Variants in RIT2 observed in about 807,000 individuals in gnomAD.
RIT2 encodes the protein GTP-binding protein Rit2.
RIT2 carries 24 observed loss-of-function variants against 23.7 expected under a neutral mutation model. That is an observed-to-expected ratio of 1.01 (90% CI 0.73 to 1.43). The LOEUF (loss-of-function observed/expected upper bound fraction) is 1.43, where lower values mean the gene tolerates loss of function less well. Among genes scored for constraint, RIT2 ranks in the 40% most tolerant of loss-of-function variants. The pLI is 0.00. For synonymous variants in RIT2, 107 were observed against 91.1 expected (o/e 1.17, Z -0.99); for missense variants, 236 against 266.9 (o/e 0.88, Z 0.81).
chr18:42,818,902 A>G (rs1385767068), intron 4 of RIT2, among the ~76,000 whole-genome samples: 1 of 149,814 alleles, frequency 6.7e-6, no homozygotes, highest in East Asian at 1.9e-4. Context: ...GAAAGGATAT[A>G]GTGGTCTCCA....
chr18:42,750,631 A>C (rs1447174041), intron 4 of RIT2, among the ~76,000 whole-genome samples: 1 of 151,786 alleles, frequency 6.6e-6, no homozygotes, highest in East Asian at 1.9e-4. Context: ...ACAAAAAGTG[A>C]GTTGAGTCTG....
At chr18:42,874,970 G>A (rs1446591649) in intron 4 of RIT2, among the ~76,000 whole-genome samples, 6 of 152,116 alleles carry the variant, frequency 3.9e-5, no homozygotes, top group Non-Finnish European at 8.8e-5. Flanking sequence ...CAGGCAGCAT[G>A]TGGTTTAAAG....
chr18:42,781,312 C>A (rs1913806413), intron 4 of RIT2, among the ~76,000 whole-genome samples: 1 of 152,090 alleles, frequency 6.6e-6, no homozygotes, highest in Admixed American at 6.5e-5. Context: ...TTTGAAAATT[C>A]TGCTTAAATT....
intron 4 of RIT2, chr18:42,920,598 T>G: frequency 4.0e-6 from 3 of 758,148 alleles, no homozygotes; most frequent in Non-Finnish European, 6.5e-6. Flanking sequence ...CATAATACAC[T>G]AAAACTCGTT....
intron 1 of RIT2, among the ~76,000 whole-genome samples, chr18:43,056,115 C>A (rs1350144550): frequency 6.6e-6 from 1 of 152,080 alleles, no homozygotes; most frequent in Non-Finnish European, 1.5e-5. Context: ...TAAATAATAT[C>A]CCTAGACCTG....
chr18:42,759,846 C>T (rs147265019), intron 4 of RIT2, among the ~76,000 whole-genome samples: 3,480 of 150,840 alleles, frequency 0.023, 52 homozygotes, highest in Non-Finnish European at 0.035. Flanking sequence ...GGCATGATTT[C>T]GGCTCACCGC....
At chr18:42,995,920 T>C (rs1462657259) in intron 2 of RIT2, among the ~76,000 whole-genome samples, 1 of 152,212 alleles carries the variant, frequency 6.6e-6, no homozygotes, top group East Asian at 1.9e-4. Context: ...ACTGCTGGTT[T>C]ACACTGTTTC....
intron 4 of RIT2, among the ~76,000 whole-genome samples, chr18:42,846,368 T>C (rs1323333760): frequency 6.6e-6 from 1 of 151,908 alleles, no homozygotes; most frequent in African/African-American, 2.4e-5. Context: ...TAAAAACCTT[T>C]GTAAAAACAA....
intron 1 of RIT2, among the ~76,000 whole-genome samples, chr18:43,067,512 G>A (rs570445326): frequency 1.3e-5 from 2 of 152,182 alleles, no homozygotes; most frequent in South Asian, 2.1e-4. Context: ...ACATGGGTTC[G>A]GTGCAGAAAA....
Position 42,937,706 on chromosome 18 carries a change from G to A in RIT2, c.235-13943C>T, listed in dbSNP as rs550916964. ...GCTCAAATTTAGATTGACGGGAAAA[G>A]ATGGTACATAAGACAGGGATGGAAT... On this transcript the variant is annotated intron_variant, in intron 3 of 4. Coordinates refer to ENST00000326695, the MANE Select transcript of RIT2 (RefSeq NM_002930.4). Among the ~76,000 whole-genome samples the A allele has an allele frequency of 1.6e-3, 238 of 152,292 alleles. 2 individuals are homozygous for A. Among genetic ancestry groups the A allele is most frequent in the Non-Finnish European group, 2.3e-3 (156 of 68,030 alleles).
At chr18:42,952,376 G>C (rs1237389845) in intron 3 of RIT2, among the ~76,000 whole-genome samples, 1 of 152,112 alleles carries the variant, frequency 6.6e-6, no homozygotes, top group African/African-American at 2.4e-5. Context: ...CCAGGGGCTA[G>C]AGAGAAGAGG....
chr18:43,107,571 C>T (rs1467768482), intron 1 of RIT2, among the ~76,000 whole-genome samples: 1 of 152,164 alleles, frequency 6.6e-6, no homozygotes, highest in African/African-American at 2.4e-5. Flanking sequence ...ACCCTGTTTA[C>T]TTTCTTTGTT....
chr18:42,853,333 A>G lies in RIT2; in HGVS notation c.426+70239T>C, dbSNP rs547133519. On this transcript the variant is annotated intron_variant, in intron 4 of 4. Transcript: ENST00000326695. ...CAATTTTAATAACAAGCTACGCTAT[A>G]CTTTTAAATTCTGACTATGTACAAG... 3.3e-5 allele frequency among the ~76,000 whole-genome samples: 5 copies of G among 152,344 alleles called. No individual in the cohort carries two copies. In the South Asian group the frequency reaches 1.0e-3, roughly 32 times the overall value.
At chr18:43,075,135 G>T (rs1912985497) in intron 1 of RIT2, among the ~76,000 whole-genome samples, 1 of 152,058 alleles carries the variant, frequency 6.6e-6, no homozygotes, top group Admixed American at 6.6e-5. Flanking sequence ...TTATTATTTT[G>T]AGTTTTGTTT....
intron 1 of RIT2, among the ~76,000 whole-genome samples, chr18:43,067,549 T>C (rs1263863776): frequency 2.0e-5 from 3 of 152,210 alleles, no homozygotes; most frequent in Non-Finnish European, 4.4e-5. Flanking sequence ...CAGGGGCTTC[T>C]TGTTTATAAG....
chr18:42,980,134 G>C (rs1473597609), intron 2 of RIT2, among the ~76,000 whole-genome samples: 2 of 152,104 alleles, frequency 1.3e-5, no homozygotes, highest in South Asian at 2.1e-4. Flanking sequence ...TGTGAAAAAG[G>C]CTTGTAAAAC....
intron 2 of RIT2, among the ~76,000 whole-genome samples, chr18:42,983,707 C>T (rs1284219707): frequency 6.6e-6 from 1 of 151,956 alleles, no homozygotes; most frequent in Non-Finnish European, 1.5e-5. Context: ...ACAGGAAGGG[C>T]AATTTTCACC....
At chr18:42,902,789 G>T (rs995714692) in intron 4 of RIT2, among the ~76,000 whole-genome samples, 4 of 151,342 alleles carry the variant, frequency 2.6e-5, no homozygotes, top group Non-Finnish European at 4.4e-5. Flanking sequence ...ACTAATGACA[G>T]AAATTAATTA....
In RIT2 at chr18:42,990,912, G is replaced by GTTTTTTTT. The variant is rs77172671; in HGVS notation, c.161-16773_161-16766dup. ...GCTCCTATTATGCTACACTGGTTTT[G>GTTTTTTTT]TTTTTTTTTTTTTTTTTTTAAAGAC... On this transcript the variant is annotated intron_variant, in intron 2 of 4. Transcript: ENST00000326695. Among the ~76,000 whole-genome samples, 10 of 133,058 alleles carry GTTTTTTTT rather than the reference G, an allele frequency of 7.5e-5. 1 individual carries two copies. The highest frequency in any genetic ancestry group is 2.3e-4 in the East Asian group (1 of 4,342). The allele number at this position is 133,058 out of a possible 152,430, so 87.3% of individuals were successfully genotyped here. A position where few individuals can be genotyped will look rare whatever the true frequency, so the allele number is the denominator to read the frequency against.
Sources: gnomAD v4.1 joint callset for allele counts (sites outside exome capture counted in the v4.1 genomes callset) on GRCh38, gnomAD v4.1.1 for gene constraint, MANE v1.5 for transcripts, NCBI Gene and HGNC (gene_info 2026-07-23, HGNC 2026-07-21) for gene names.